LRRC53: variants seen among roughly 807,000 people sequenced by gnomAD.
The protein encoded by LRRC53 is leucine rich repeat containing 53.
In LRRC53, 25 loss-of-function variants were observed where a neutral mutation model predicts 13.6. The observed-to-expected ratio is 1.83, with a 90% CI of 1.34 to 2.56. The LOEUF (loss-of-function observed/expected upper bound fraction) is 2.56, where lower values mean the gene tolerates loss of function less well. Ranked by LOEUF, LRRC53 falls within the 30% of genes most tolerant of loss-of-function variation. The probability of loss-of-function intolerance (pLI) is 0.00; values close to 1 mark genes in which losing one functional copy is unlikely to be tolerated. For synonymous variants in LRRC53, 204 were observed against 109.8 expected (o/e 1.86, Z -5.37); for missense variants, 527 against 275.8 (o/e 1.91, Z -6.45).
Position 74,471,966 on chromosome 1 carries a change from A to C in LRRC53, c.1656T>G (p.Asp552Glu), listed in dbSNP as rs1667953578. ...TCTGTTTTAACAGTCCACAAGGATC[A>C]TCATATTTTGATCTATTTTTTTGTA... ...KIVQKNRSKY[D>E]DPCGLLKQSK... Residue 552 changes from aspartate to glutamate, a missense_variant, in exon 5 of 5, where the codon GAT becomes GAG. Physicochemically the swap from Asp to Glu is conservative, Grantham distance 45 (BLOSUM62 2). Coordinates refer to ENST00000294635, the MANE Select transcript of LRRC53 (RefSeq NM_001382280.1). 1.6e-6 allele frequency: 1 copy of C among 620,338 alleles called. No homozygotes were observed. The highest frequency in any genetic ancestry group is 2.8e-5 in the Admixed American group (1 of 35,902). The allele number at this position is 620,338 out of a possible 1,614,324, so 38.4% of individuals were successfully genotyped here.
chr1:74,534,816 G>A, the LRRC53 span, among the ~76,000 whole-genome samples: 1 of 152,098 alleles, frequency 6.6e-6, no homozygotes, highest in Non-Finnish European at 1.5e-5. Flanking sequence ...CCTTAACGAT[G>A]GGTTTATGTG....
chr1:74,514,073 C>T (rs994026644), upstream of LRRC53, among the ~76,000 whole-genome samples: 3 of 152,142 alleles, frequency 2.0e-5, no homozygotes, highest in Admixed American at 1.3e-4. Context: ...AAAGGCTATT[C>T]GAAGTTTGCA....
At chr1:74,481,168 A>G (rs1397135424) in intron 2 of LRRC53, among the ~76,000 whole-genome samples, 200 bp from the exon 3 acceptor site, 1 of 152,192 alleles carries the variant, frequency 6.6e-6, no homozygotes, top group Non-Finnish European at 1.5e-5. Flanking sequence ...ATGGATTTTT[A>G]TATTCTTTGC....
chr1:74,512,899 T>C, upstream of LRRC53, among the ~76,000 whole-genome samples: 1 of 152,226 alleles, frequency 6.6e-6, no homozygotes, highest in Admixed American at 6.5e-5. Context: ...ATGGGGTCAC[T>C]ATGTGATCAC....
At chr1:74,487,521 A>C (rs1490025020) in intron 1 of LRRC53, among the ~76,000 whole-genome samples, 6 of 152,184 alleles carry the variant, frequency 3.9e-5, no homozygotes, top group Non-Finnish European at 5.9e-5. Flanking sequence ...AATAAAGTTT[A>C]GGATTCTTTC....
intron 1 of LRRC53, among the ~76,000 whole-genome samples, chr1:74,503,442 C>T (rs907872705): frequency 4.6e-5 from 7 of 152,128 alleles, no homozygotes; most frequent in African/African-American, 1.7e-4. Flanking sequence ...TAGTATCTAA[C>T]CCTCACTTCA....
rs921335800 is a variant in LRRC53 at position 74,471,326 on chromosome 1, A to C, written c.2296T>G (p.Cys766Gly). The C allele has an allele frequency of 2.5e-6, 1 of 400,724 alleles. No homozygotes were observed. Among genetic ancestry groups the C allele is most frequent in the Non-Finnish European group, 4.4e-6 (1 of 226,176 alleles). 24.8% of individuals were successfully genotyped at this position (400,724 alleles called of 1,614,324 possible). Residue 766 changes from cysteine (C) to glycine (G), a missense_variant, in exon 5 of 5, where the codon TGT (cysteine) becomes GGT (glycine). Physicochemically the swap from Cys to Gly is radical, Grantham distance 159 (BLOSUM62 -3). Transcript: ENST00000294635. Reference protein sequence around the residue: ...SETEAKINTVCSADFLQQSES... With the variant: ...SETEAKINTVGSADFLQQSES... ...GACTGTTGAAGAAAATCTGCAGAAC[A>C]CACAGTATTTATTTTGGCTTCTGTC... is the stretch of plus-strand genomic sequence containing the variant.
At chr1:74,533,295 A>G in the LRRC53 span, among the ~76,000 whole-genome samples, 1 of 152,242 alleles carries the variant, frequency 6.6e-6, no homozygotes, top group African/African-American at 2.4e-5. Flanking sequence ...TATGCAGCCA[A>G]AAAACACATG....
the LRRC53 span, among the ~76,000 whole-genome samples, chr1:74,528,813 T>C: frequency 1.3e-5 from 2 of 152,212 alleles, no homozygotes; most frequent in East Asian, 1.9e-4. Flanking sequence ...ACCTGGCACC[T>C]TGATCCTCAT....
upstream of LRRC53, among the ~76,000 whole-genome samples, chr1:74,513,902 T>C (rs574026691): frequency 1.3e-5 from 2 of 152,334 alleles, no homozygotes; most frequent in Admixed American, 6.5e-5. Context: ...AAAGCTCAGA[T>C]GCATCTGGTG....
chr1:74,524,703 C>A, the LRRC53 span, among the ~76,000 whole-genome samples: 1 of 151,418 alleles, frequency 6.6e-6, no homozygotes, highest in African/African-American at 2.4e-5. Flanking sequence ...TCTCTTCCCT[C>A]GTGGAGGTTT....
At chr1:74,528,294 G>A in the LRRC53 span, among the ~76,000 whole-genome samples, 2,254 of 152,196 alleles carry the variant, frequency 0.015, 49 homozygotes, top group African/African-American at 0.05. Context: ...GCCTGAGCAG[G>A]GTGAGGAGGG....
intron 1 of LRRC53, among the ~76,000 whole-genome samples, chr1:74,507,226 C>A (rs942033604): frequency 2.2e-5 from 3 of 135,938 alleles, no homozygotes; most frequent in Middle Eastern, 4.1e-3. Context: ...TTTCTTCACC[C>A]CCCCCCCATC....
intron 1 of LRRC53, among the ~76,000 whole-genome samples, chr1:74,498,027 A>C (rs1242041432): frequency 6.6e-6 from 1 of 152,186 alleles, no homozygotes; most frequent in Non-Finnish European, 1.5e-5. Context: ...CAAGGACTAA[A>C]GAGATGCTAT....
At chr1:74,499,535 G>A (rs1447128917) in intron 1 of LRRC53, among the ~76,000 whole-genome samples, 3 of 152,112 alleles carry the variant, frequency 2.0e-5, no homozygotes, top group Non-Finnish European at 2.9e-5. Context: ...TTTTATCATA[G>A]GAATATAGGT....
At chr1:74,510,641 T>C (rs1469896517) in intron 1 of LRRC53, among the ~76,000 whole-genome samples, 1 of 152,240 alleles carries the variant, frequency 6.6e-6, no homozygotes, top group South Asian at 2.1e-4. Context: ...CAGATCTATG[T>C]GTTATACTTT....
Position 74,471,760 on chromosome 1 carries a change from TC to T in LRRC53, c.1861del (p.Asp621IlefsTer25). On this transcript the variant is annotated frameshift_variant, in exon 5 of 5. Transcript: ENST00000294635. LOFTEE classifies it low-confidence loss of function (END_TRUNC). Reference sequence around the variant, plus strand: ...GGTTTTTGTTGATAATCCTGATAAATCTATGTTGTCCTCACTCATAAGAAAT... The same window carrying T: ...GGTTTTTGTTGATAATCCTGATAAATTATGTTGTCCTCACTCATAAGAAAT... Reference protein sequence around the residue: ...EKFLMSEDNIDLSGLSTKTKK... With the variant: ...EKFLMSEDNIXLSGLSTKTKK... 1 of 407,252 alleles carries T rather than the reference TC, an allele frequency of 2.5e-6. No homozygotes were observed. Among genetic ancestry groups the T allele is most frequent in the Admixed American group, 4.3e-5 (1 of 23,064 alleles). The allele number at this position is 407,252 out of a possible 1,614,324, so 25.2% of individuals were successfully genotyped here.
chr1:74,507,908 G>T (rs974968553), intron 1 of LRRC53, among the ~76,000 whole-genome samples: 1 of 152,160 alleles, frequency 6.6e-6, no homozygotes, highest in Non-Finnish European at 1.5e-5. Context: ...ACAAACATTT[G>T]CAGAGTCCCT....
intron 1 of LRRC53, among the ~76,000 whole-genome samples, chr1:74,488,024 T>C (rs1234957042): frequency 3.3e-5 from 5 of 151,884 alleles, no homozygotes; most frequent in African/African-American, 1.2e-4. Context: ...TGGAGAAGAG[T>C]AGGCAAAGGA....
Sources: gnomAD v4.1 joint callset for allele counts (sites outside exome capture counted in the v4.1 genomes callset) on GRCh38, gnomAD v4.1.1 for gene constraint, MANE v1.5 for transcripts, NCBI Gene and HGNC (gene_info 2026-07-23, HGNC 2026-07-21) for gene names.